The following TTC27 variants were observed in gnomAD, a reference collection of about 807,000 sequenced individuals.
TTC27 encodes the protein tetratricopeptide repeat domain 27.
In TTC27, 79 loss-of-function variants were observed where a neutral mutation model predicts 115.9. That is an observed-to-expected ratio of 0.68 (90% CI 0.57 to 0.82). The LOEUF is 0.82. Among genes scored for constraint, TTC27 ranks in the 40% least tolerant of loss-of-function variants. TTC27 has a pLI of 0.00. For missense variants in TTC27, 1,054 were observed against 993.1 expected (o/e 1.06, Z -0.82); for synonymous variants, 401 against 356.0 (o/e 1.13, Z -1.42).
intron 14 of TTC27, among the ~76,000 whole-genome samples, chr2:32,778,182 A>C (rs1670061861): frequency 6.6e-6 from 1 of 152,226 alleles, no homozygotes; most frequent in Non-Finnish European, 1.5e-5. Flanking sequence ...TAATTTTGAT[A>C]AAACAATTTT....
intron 10 of TTC27, among the ~76,000 whole-genome samples, chr2:32,715,406 T>C (rs1307214705): frequency 6.6e-6 from 1 of 152,192 alleles, no homozygotes; most frequent in Non-Finnish European, 1.5e-5. Flanking sequence ...GTTCCTGGGC[T>C]CTCTATTCTG....
intron 4 of TTC27, among the ~76,000 whole-genome samples, chr2:32,644,736 C>T (rs1193743733): frequency 6.6e-6 from 1 of 151,846 alleles, no homozygotes; most frequent in Non-Finnish European, 1.5e-5. Context: ...GCTTCTCTTG[C>T]CATTCAACTG....
intron 10 of TTC27, among the ~76,000 whole-genome samples, chr2:32,711,131 AAAAAAAAAG>A (rs1425741190): frequency 5.9e-5 from 9 of 151,390 alleles, no homozygotes; most frequent in African/African-American, 2.2e-4. Flanking sequence ...AAAAAAAAAA[AAAAAAAAAG>A]AAGAAGAAGA....
intron 2 of TTC27, among the ~76,000 whole-genome samples, chr2:32,633,612 C>T (rs1664298792): frequency 6.6e-6 from 1 of 152,106 alleles, no homozygotes; most frequent in Non-Finnish European, 1.5e-5. Context: ...CTATGTTTCT[C>T]AGGCTGGTTT....
At chr2:32,756,253 G>A (rs1358248088) in intron 12 of TTC27, among the ~76,000 whole-genome samples, 1 of 152,242 alleles carries the variant, frequency 6.6e-6, no homozygotes, top group Non-Finnish European at 1.5e-5. Flanking sequence ...TCAGTATCGG[G>A]CTGTCAAGAG....
At chr2:32,733,749 TG>T in intron 10 of TTC27, 78 bp from the exon 11 acceptor site, 2 of 816,004 alleles carry the variant, frequency 2.5e-6, no homozygotes, top group Non-Finnish European at 3.7e-6. Context: ...TATGTGCATT[TG>T]TATAACTATT....
chr2:32,711,116 C>CA (rs34140897), intron 10 of TTC27, among the ~76,000 whole-genome samples: 8,720 of 59,274 alleles, frequency 0.15, 883 homozygotes, highest in African/African-American at 0.24. Context: ...GACTCTGTCT[C>CA]AAAAAAAAAA....
chr2:32,637,351 A>G lies in TTC27; in HGVS notation c.397-2919A>G, dbSNP rs144336920. ...TTCTTTTTCTTTCTTTTTTTTTTTC[A>G]GACGGAGTCTCACTGTGTTGCCCAG... is the stretch of plus-strand genomic sequence containing the variant. On this transcript the variant is annotated intron_variant, in intron 3 of 19. Coordinates refer to ENST00000317907, the MANE Select transcript of TTC27 (RefSeq NM_017735.5). Among the ~76,000 whole-genome samples the G allele has an allele frequency of 9.9e-5, 15 of 151,524 alleles. 1 individual carries two copies. In the East Asian group the frequency reaches 2.7e-3, roughly 27 times the overall value.
At chr2:32,809,796 T>C (rs1671254335) in intron 16 of TTC27, among the ~76,000 whole-genome samples, 2 of 152,136 alleles carry the variant, frequency 1.3e-5, no homozygotes. Context: ...GGATAGAATG[T>C]GTAAAGGCTG....
rs1666831349 is a variant in TTC27, at chr2:32,692,036, G to GTTTTTTTTTTTGTTTTTTTTTTTTT, written c.1120-10760_1120-10759insGTTTTTTTTTTTTTTTTTTTTTTTT. Among the ~76,000 whole-genome samples, 12 of 61,188 alleles carry GTTTTTTTTTTTGTTTTTTTTTTTTT rather than the reference G, an allele frequency of 2.0e-4. 1 individual carries two copies. The highest frequency in any genetic ancestry group is 3.5e-4 in the Non-Finnish European group (12 of 34,582). The allele number at this position is 61,188 out of a possible 152,430, so 40.1% of individuals were successfully genotyped here. A position where few individuals can be genotyped will look rare whatever the true frequency, so the allele number is the denominator to read the frequency against. ...GGGATATTCTTTTTTAATTTTTTAG[G>GTTTTTTTTTTTGTTTTTTTTTTTTT]TTTTTTTTTTTTTTTTTTTTTTTTT... On this transcript the variant is annotated intron_variant, in intron 9 of 19. Coordinates refer to ENST00000317907, the MANE Select transcript of TTC27 (RefSeq NM_017735.5).
chr2:32,704,960 T>C (rs2151902312), intron 10 of TTC27: 1 of 469,510 alleles, frequency 2.1e-6, no homozygotes, highest in Non-Finnish European at 4.4e-6. Flanking sequence ...GTTACTCTAC[T>C]CTTTTCCCAT....
At chr2:32,702,343 C>G (rs1382322404) in intron 9 of TTC27, among the ~76,000 whole-genome samples, 1 of 151,874 alleles carries the variant, frequency 6.6e-6, no homozygotes, top group Non-Finnish European at 1.5e-5. Flanking sequence ...ACATTGTGCT[C>G]ATTATACTAA....
Position 32,820,849 on chromosome 2 carries a change from TC to T in TTC27, c.2445del (p.Arg816GlyfsTer3). 1 of 1,542,322 alleles carries T rather than the reference TC, an allele frequency of 6.5e-7. No individual in the cohort carries two copies. The highest frequency in any genetic ancestry group is 8.8e-7 in the Non-Finnish European group (1 of 1,140,896). On this transcript the variant is annotated frameshift_variant, in exon 20 of 20. Coordinates refer to ENST00000317907, the MANE Select transcript of TTC27 (RefSeq NM_017735.5). LOFTEE classifies it high-confidence loss of function. Reference sequence around the variant, plus strand: ...TACAGATGTGGCAACTGGAGAAATGTCCAGGGAATTAGCTGATGACATAACA... The same window carrying T: ...TACAGATGTGGCAACTGGAGAAATGTCAGGGAATTAGCTGATGACATAACA... ...LFTDVATGEM[S>X]RELADDITAM...
chr2:32,682,841 A>ATTTTTTTTTTTT (rs1559204114), intron 9 of TTC27, among the ~76,000 whole-genome samples: 27 of 77,498 alleles, frequency 3.5e-4, no homozygotes, highest in East Asian at 7.8e-4. Flanking sequence ...GATAATTTTT[A>ATTTTTTTTTTTT]TTGTTGTTTT....
intron 16 of TTC27, among the ~76,000 whole-genome samples, chr2:32,804,998 A>C (rs1671080742): frequency 6.6e-6 from 1 of 152,224 alleles, no homozygotes; most frequent in South Asian, 2.1e-4. Flanking sequence ...TACATATTTC[A>C]TAAAAGAGAA....
intron 13 of TTC27, 42 bp from the exon 14 acceptor site, chr2:32,777,840 G>A: frequency 6.3e-7 from 1 of 1,583,952 alleles, no homozygotes; most frequent in Non-Finnish European, 8.7e-7. Context: ...TTCTGTAAAT[G>A]TTTCTGTGTG....
chr2:32,708,839 A>G (rs769199988), intron 10 of TTC27, among the ~76,000 whole-genome samples: 55 of 152,230 alleles, frequency 3.6e-4, no homozygotes, highest in Middle Eastern at 3.4e-3. Context: ...CCATGACTCT[A>G]TCTGCTCCCT....
chr2:32,784,873 T>C (rs903329463), intron 15 of TTC27, among the ~76,000 whole-genome samples: 2 of 151,854 alleles, frequency 1.3e-5, no homozygotes, highest in African/African-American at 4.8e-5. Flanking sequence ...TGTTATTAGA[T>C]GGAGGTGGTG....
At chr2:32,709,169 G>A (rs1667488348) in intron 10 of TTC27, among the ~76,000 whole-genome samples, 1 of 152,174 alleles carries the variant, frequency 6.6e-6, no homozygotes, top group African/African-American at 2.4e-5. Flanking sequence ...CTTCCTTACA[G>A]TAGAATTCTA....
Sources: gnomAD v4.1 joint callset for allele counts (sites outside exome capture counted in the v4.1 genomes callset) on GRCh38, gnomAD v4.1.1 for gene constraint, MANE v1.5 for transcripts, NCBI Gene and HGNC (gene_info 2026-07-23, HGNC 2026-07-21) for gene names.